Variants in RTF2 observed in about 807,000 individuals in gnomAD.
RTF2 encodes the protein replication termination factor 2.
A neutral mutation model predicts 38.0 loss-of-function variants in RTF2; 18 were observed. The ratio of observed to expected loss-of-function variants is 0.47; its 90% CI spans 0.33 to 0.70. The LOEUF (loss-of-function observed/expected upper bound fraction) is 0.70. RTF2 is among the 30% of genes least tolerant of loss of function. The pLI, the probability that RTF2 is intolerant of heterozygous loss-of-function variation, is 0.02. For synonymous variants in RTF2, 126 were observed against 137.1 expected, an observed-to-expected ratio of 0.92 and a Z score of 0.57; for missense variants, 311 against 379.6, an observed-to-expected ratio of 0.82 and a Z score of 1.50.
chr20:56,491,446 C>T, intron 5 of RTF2: 1 of 719,502 alleles, frequency 1.4e-6, no homozygotes, highest in South Asian at 1.8e-5. Context: ...TTTCTGAATT[C>T]ATTTTAGGAA....
intron 5 of RTF2, among the ~76,000 whole-genome samples, chr20:56,502,128 C>G (rs1480716864): frequency 6.6e-6 from 1 of 152,160 alleles, no homozygotes; most frequent in African/African-American, 2.4e-5. Context: ...CCAAGAGATA[C>G]AGTAGAGTAT....
intron 8 of RTF2, 96 bp from the exon 9 acceptor site, chr20:56,517,991 T>C: frequency 7.9e-7 from 1 of 1,259,598 alleles, no homozygotes; most frequent in Non-Finnish European, 1.1e-6. Flanking sequence ...AGAGAACGTC[T>C]GGGACAGAGT....
intron 5 of RTF2, among the ~76,000 whole-genome samples, chr20:56,503,730 A>C (rs1362368595): frequency 2.0e-5 from 3 of 152,176 alleles, no homozygotes; most frequent in African/African-American, 7.2e-5. Context: ...TGAGAGGCTG[A>C]GGTGGGTGGA....
In RTF2 at chr20:56,513,409, T is replaced by C. The variant is rs774291056; in HGVS notation, c.572T>C (p.Leu191Pro). The change falls in exon 6 of 9, where the codon CTG becomes CCG. Residue 191 changes from leucine (L) to proline (P), a missense_variant. Coordinates refer to ENST00000357348, the MANE Select transcript of RTF2 (RefSeq NM_016407.5). ...VLKTRMEERR[L>P]RAKLEKKTKK... ...AAGACAAGGATGGAGGAGAGAAGGC[T>C]GAGAGCGAAGCTGGAAAAGGTAATG... The C allele has an allele frequency of 3.7e-6, 6 of 1,601,940 alleles. No homozygotes were observed. In the Admixed American group the frequency reaches 1.0e-4, roughly 28 times the overall value.
chr20:56,490,694 G>A (rs539062078), intron 5 of RTF2, among the ~76,000 whole-genome samples: 34 of 152,314 alleles, frequency 2.2e-4, no homozygotes, highest in African/African-American at 7.9e-4. Context: ...GTGCATGCCT[G>A]TAATTCCAGC....
intron 5 of RTF2, among the ~76,000 whole-genome samples, chr20:56,502,505 A>C (rs1393106915): frequency 6.6e-6 from 1 of 152,220 alleles, no homozygotes; most frequent in Non-Finnish European, 1.5e-5. Context: ...AGAATTTGTT[A>C]GGATGGGATT....
chr20:56,503,672 T>C (rs1051353721), intron 5 of RTF2, among the ~76,000 whole-genome samples: 3 of 152,168 alleles, frequency 2.0e-5, no homozygotes, highest in Non-Finnish European at 4.4e-5. Flanking sequence ...CTTCAAAAAG[T>C]ATACCTGTGG....
intron 3 of RTF2, among the ~76,000 whole-genome samples, chr20:56,475,364 A>G (rs1982186446): frequency 6.6e-6 from 1 of 152,218 alleles, no homozygotes; most frequent in Admixed American, 6.5e-5. Context: ...CTAGCGAAGT[A>G]CTTAAACCAG....
chr20:56,479,022 C>T (rs1005546138), intron 4 of RTF2, among the ~76,000 whole-genome samples: 9 of 152,162 alleles, frequency 5.9e-5, no homozygotes, highest in Non-Finnish European at 7.3e-5. Context: ...TGGGTTTTAT[C>T]GTGAGATTGC....
intron 5 of RTF2, among the ~76,000 whole-genome samples, chr20:56,496,393 C>T (rs879909006): frequency 6.6e-6 from 1 of 152,048 alleles, no homozygotes; most frequent in Non-Finnish European, 1.5e-5. Context: ...ACTAAAAATA[C>T]AAAAATTAGC....
At chr20:56,474,821 G>A (rs371945834) in intron 3 of RTF2, 50 bp downstream of exon 3, 2 of 1,213,326 alleles carry the variant, frequency 1.6e-6, no homozygotes, top group African/African-American at 3.1e-5. Context: ...AGTGGCTGAG[G>A]TTTATTTTAT....
intron 4 of RTF2, among the ~76,000 whole-genome samples, chr20:56,477,550 TC>T (rs199635256): frequency 0.013 from 1,970 of 152,306 alleles, 55 homozygotes; most frequent in African/African-American, 0.045. Flanking sequence ...TTTATTTTTA[TC>T]CTTTTTTTTT....
chr20:56,511,084 A>G (rs1984634909), intron 5 of RTF2, among the ~76,000 whole-genome samples: 1 of 152,172 alleles, frequency 6.6e-6, no homozygotes, highest in Non-Finnish European at 1.5e-5. Flanking sequence ...GTCATGTAAA[A>G]GTTTGTAATT....
At chr20:56,472,601 G>C (rs1299853593) in intron 1 of RTF2, among the ~76,000 whole-genome samples, 2 of 151,622 alleles carry the variant, frequency 1.3e-5, no homozygotes, top group Non-Finnish European at 1.5e-5. Context: ...TGTCTTCTCA[G>C]TTCTTAAGTC....
At chr20:56,492,628 C>T (rs1983231991) in intron 5 of RTF2, among the ~76,000 whole-genome samples, 1 of 151,710 alleles carries the variant, frequency 6.6e-6, no homozygotes, top group South Asian at 2.1e-4. Flanking sequence ...CTTGGAGACT[C>T]AGTGACACTT....
In RTF2 at chr20:56,510,268, C is replaced by T. The variant is rs186910328; in HGVS notation, c.478-3047C>T. Among the ~76,000 whole-genome samples the T allele has an allele frequency of 1.4e-4, 21 of 152,190 alleles. No homozygotes were observed. The East Asian group carries it at 2.5e-3, about 18-fold the overall frequency. On this transcript the variant is annotated intron_variant, in intron 5 of 8. Transcript: ENST00000357348. The stretch of plus-strand genomic sequence containing the variant: ...TCAGAAAACCTGTTTTTTAAAAAGG[C>T]GAGTTAGGTAGCAAATGCACGTGGT...
chr20:56,485,528 G>A (rs147228969), intron 5 of RTF2, among the ~76,000 whole-genome samples: 285 of 152,292 alleles, frequency 1.9e-3, no homozygotes, highest in African/African-American at 6.5e-3. Context: ...AATCCTAGAC[G>A]TGGAGGAGGA....
rs553397395 is a variant in RTF2 at position 56,496,118 on chromosome 20, G to A, written c.477+11929G>A. Among the ~76,000 whole-genome samples the A allele has an allele frequency of 4.5e-4, 68 of 152,268 alleles. 1 individual carries two copies. The highest frequency in any genetic ancestry group is 1.6e-3 in the African/African-American group (67 of 41,546). The stretch of plus-strand genomic sequence containing the variant: ...GAACAAAAGCAGCCAGACTGGTTTG[G>A]GAACATCTTTCAGCTAACTTCAGAC... On this transcript the variant is annotated intron_variant, in intron 5 of 8. Coordinates refer to ENST00000357348, the MANE Select transcript of RTF2 (RefSeq NM_016407.5).
intron 5 of RTF2, among the ~76,000 whole-genome samples, chr20:56,496,377 G>A (rs1983533961): frequency 6.6e-6 from 1 of 152,100 alleles, no homozygotes; most frequent in Non-Finnish European, 1.5e-5. Flanking sequence ...GACAAACACT[G>A]TCTCTACTAA....
Sources: gnomAD v4.1 joint callset for allele counts (sites outside exome capture counted in the v4.1 genomes callset) on GRCh38, gnomAD v4.1.1 for gene constraint, MANE v1.5 for transcripts, NCBI Gene and HGNC (gene_info 2026-07-23, HGNC 2026-07-21) for gene names.